The following SLCO1B3 variants were observed in gnomAD, a reference collection of about 807,000 sequenced individuals.
SLCO1B3 encodes the protein liver-specific organic anion transporter 2.
A neutral mutation model predicts 71.8 loss-of-function variants in SLCO1B3; 72 were observed. That is an observed-to-expected ratio of 1.00 (90% CI 0.83 to 1.22). The LOEUF (loss-of-function observed/expected upper bound fraction) is 1.22, where lower values mean the gene tolerates loss of function less well. Ranked by LOEUF, SLCO1B3 falls within the 50% of genes most tolerant of loss-of-function variation. The probability of loss-of-function intolerance (pLI) is 0.00; values close to 1 mark genes in which losing one functional copy is unlikely to be tolerated. For missense variants in SLCO1B3, 911 were observed against 819.7 expected (o/e 1.11, Z -1.36); for synonymous variants, 298 against 278.4 (o/e 1.07, Z -0.70).
intron 3 of SLCO1B3, among the ~76,000 whole-genome samples, chr12:20,833,806 G>GTA (rs567460667): frequency 6.8e-6 from 1 of 147,074 alleles, no homozygotes; most frequent in Non-Finnish European, 1.5e-5. Context: ...AAGTGTGTGT[G>GTA]TATATATCTA....
At chr12:20,833,075 G>C (rs1335327959) in intron 3 of SLCO1B3, among the ~76,000 whole-genome samples, 1 of 152,138 alleles carries the variant, frequency 6.6e-6, no homozygotes, top group African/African-American at 2.4e-5. Flanking sequence ...GTTTTCTCCA[G>C]TTTCTAGAGG....
intron 3 of SLCO1B3, among the ~76,000 whole-genome samples, chr12:20,821,875 T>C (rs917946149): frequency 6.6e-6 from 1 of 152,190 alleles, no homozygotes; most frequent in African/African-American, 2.4e-5. Flanking sequence ...CACCGGAGTT[T>C]TGGGTCCACG....
intron 15 of SLCO1B3, chr12:20,901,977 C>T (rs1782139875): frequency 7.5e-6 from 3 of 402,564 alleles, no homozygotes; most frequent in Non-Finnish European, 9.5e-6. Context: ...TTGTACCTTA[C>T]CTCTTATAGA....
chr12:20,826,255 A>G (rs887148262), intron 3 of SLCO1B3, among the ~76,000 whole-genome samples: 3 of 152,106 alleles, frequency 2.0e-5, no homozygotes, highest in Non-Finnish European at 4.4e-5. Context: ...GTCAGGCCAC[A>G]ATAGCAGAAC....
intron 15 of SLCO1B3, among the ~76,000 whole-genome samples, chr12:20,903,171 G>A (rs1866165034): frequency 6.6e-6 from 1 of 151,982 alleles, no homozygotes; most frequent in African/African-American, 2.4e-5. Flanking sequence ...AAATGGTACT[G>A]GAGTGTTGGA....
intron 3 of SLCO1B3, among the ~76,000 whole-genome samples, chr12:20,828,962 G>C (rs976945883): frequency 2.0e-5 from 2 of 100,846 alleles, no homozygotes; most frequent in African/African-American, 6.9e-5. Context: ...AAGCCCCTCA[G>C]GTAATTTTTT....
intron 3 of SLCO1B3, among the ~76,000 whole-genome samples, chr12:20,831,356 C>CAAAAAAAAAAAAAAAAAAAAAAAAA (rs35410136): frequency 2.2e-5 from 2 of 91,212 alleles, no homozygotes. Context: ...GACGCCATAT[C>CAAAAAAAAAAAAAAAAAAAAAAAAA]AAAAAAAAAA....
chr12:20,834,054 G>T (rs939539277), intron 3 of SLCO1B3, among the ~76,000 whole-genome samples: 1 of 113,798 alleles, frequency 8.8e-6, no homozygotes, highest in Non-Finnish European at 2.0e-5. Context: ...TTATATGTGT[G>T]CATATATAAA....
At chr12:20,884,616 C>T (rs1327368046) in intron 13 of SLCO1B3, among the ~76,000 whole-genome samples, 2 of 152,016 alleles carry the variant, frequency 1.3e-5, no homozygotes, top group Admixed American at 6.6e-5. Context: ...CCAAAATAAG[C>T]ACACAATCAC....
chr12:20,916,244 C>T lies in SLCO1B3; in HGVS notation c.2106C>T (p.Asn702=). 6.2e-7 allele frequency: 1 copy of T among 1,611,902 alleles called. No individual in the cohort carries two copies. The highest frequency in any genetic ancestry group is 1.1e-5 in the South Asian group (1 of 91,004). Residue 702 remains asparagine (N), a synonymous_variant, in exon 16 of 16, where the codon AAC becomes AAT. Transcript: ENST00000381545. ...ACATGCAAGACAATGCTGCTGCCAACTAACATTGCATTGATTCATTAAGAT... is the reference window on the plus strand; with the variant it reads ...ACATGCAAGACAATGCTGCTGCCAATTAACATTGCATTGATTCATTAAGAT... The part of the protein sequence containing the change: ...NLDMQDNAAA[N]
intron 3 of SLCO1B3, among the ~76,000 whole-genome samples, chr12:20,838,579 C>T (rs1864733152): frequency 6.6e-6 from 1 of 152,040 alleles, no homozygotes; most frequent in Non-Finnish European, 1.5e-5. Flanking sequence ...ATAGATTAGC[C>T]TGCTAGACAC....
intron 3 of SLCO1B3, among the ~76,000 whole-genome samples, chr12:20,825,884 A>G (rs1018560294): frequency 1.5e-4 from 23 of 151,960 alleles, no homozygotes; most frequent in Non-Finnish European, 2.9e-4. Flanking sequence ...AGAAAGTAAA[A>G]TGGACATGAT....
Position 20,862,112 on chromosome 12 carries a change from C to G in SLCO1B3, c.482-300C>G, listed in dbSNP as rs4149121. Among the ~76,000 whole-genome samples the G allele has an allele frequency of 0.54, 81,750 of 151,898 alleles. 24,583 individuals are homozygous for G. Among genetic ancestry groups the G allele is most frequent in the South Asian group, 0.77 (3,733 of 4,822 alleles). On this transcript the variant is annotated intron_variant, in intron 6 of 15. Transcript: ENST00000381545. ...ATTGTATATGCACCTTAAAAATAAC[C>G]TGGATTTTTAAATATGTAATGTACA...
At chr12:20,846,478 A>G (rs928797596) in intron 3 of SLCO1B3, among the ~76,000 whole-genome samples, 2 of 152,214 alleles carry the variant, frequency 1.3e-5, no homozygotes, top group African/African-American at 4.8e-5. Context: ...AAAAACCATC[A>G]ACATATATAT....
intron 3 of SLCO1B3, among the ~76,000 whole-genome samples, chr12:20,844,440 C>A (rs1864867070): frequency 6.6e-6 from 1 of 151,680 alleles, no homozygotes; most frequent in Non-Finnish European, 1.5e-5. Context: ...GTGGCATATA[C>A]CCCTGTAGTA....
rs1866504740 is a variant in SLCO1B3, at chr12:20,916,557, A to G, written c.*310A>G. The G allele has an allele frequency of 2.2e-5, 4 of 179,948 alleles. No homozygotes were observed. Among genetic ancestry groups the G allele is most frequent in the Admixed American group, 1.7e-4 (3 of 17,342 alleles). The allele number at this position is 179,948 out of a possible 1,614,324, so 11.1% of individuals were successfully genotyped here. A position where few individuals can be genotyped will look rare whatever the true frequency, so the allele number is the denominator to read the frequency against. ...AAGGGAGGTAAAAAGGACAAGATAGATTAATAGCCTAAATAAAGAGAAAAG... is the reference window on the plus strand; with the variant it reads ...AAGGGAGGTAAAAAGGACAAGATAGGTTAATAGCCTAAATAAAGAGAAAAG... On this transcript the variant is annotated 3_prime_UTR_variant, in exon 16 of 16. Coordinates refer to ENST00000381545, the MANE Select transcript of SLCO1B3 (RefSeq NM_019844.4).
chr12:20,815,006 A>G (rs1440296076), intron 2 of SLCO1B3, among the ~76,000 whole-genome samples: 1 of 117,104 alleles, frequency 8.5e-6, no homozygotes, highest in Admixed American at 8.5e-5. Flanking sequence ...TGCATTTTTC[A>G]ACTACATGCA....
intron 3 of SLCO1B3, among the ~76,000 whole-genome samples, chr12:20,820,153 A>G (rs1864266112): frequency 6.6e-6 from 1 of 151,990 alleles, no homozygotes; most frequent in Non-Finnish European, 1.5e-5. Context: ...GGTAATGTGG[A>G]GTGGGTAGCC....
chr12:20,901,232 G>T, intron 14 of SLCO1B3, 118 bp from the exon 15 acceptor site: 1 of 700,042 alleles, frequency 1.4e-6, no homozygotes, highest in Non-Finnish European at 2.4e-6. Context: ...CCAAACCAAT[G>T]GAATAATTTT....
Sources: gnomAD v4.1 joint callset for allele counts (sites outside exome capture counted in the v4.1 genomes callset) on GRCh38, gnomAD v4.1.1 for gene constraint, MANE v1.5 for transcripts, NCBI Gene and HGNC (gene_info 2026-07-23, HGNC 2026-07-21) for gene names.